Variants in TRHDE observed in about 807,000 individuals in gnomAD.
TRHDE encodes the protein thyrotropin-releasing hormone-degrading ectoenzyme.
A neutral mutation model predicts 125.7 loss-of-function variants in TRHDE; 72 were observed. The observed-to-expected ratio is 0.57, with a 90% confidence interval of 0.47 to 0.70. The LOEUF (loss-of-function observed/expected upper bound fraction) is 0.70. Among genes scored for constraint, TRHDE ranks in the 30% least tolerant of loss-of-function variants. The pLI is 0.00. For missense variants in TRHDE, 1,110 were observed against 1,327.1 expected, an observed-to-expected ratio of 0.84 and a Z score of 2.54; for synonymous variants, 509 against 509.1, an observed-to-expected ratio of 1.00 and a Z score of 0.00.
chr12:72,257,838 T>C (rs1396500332), intron 2 of TRHDE: 4 of 152,164 alleles, frequency 2.6e-5, no homozygotes, highest in Non-Finnish European at 1.5e-5. Context: ...AAGGGGAACG[T>C]TTACATCCTG....
At chr12:72,614,636 A>C (rs974262835) in intron 12 of TRHDE, among the ~76,000 whole-genome samples, 3 of 152,096 alleles carry the variant, frequency 2.0e-5, no homozygotes, top group Non-Finnish European at 4.4e-5. Flanking sequence ...CTTTAAATGA[A>C]TATTCAGTTA....
At chr12:72,172,472 C>T (rs940818112) in intron 2 of TRHDE, among the ~76,000 whole-genome samples, 1 of 152,142 alleles carries the variant, frequency 6.6e-6, no homozygotes, top group Non-Finnish European at 1.5e-5. Flanking sequence ...ACAAGCAGTG[C>T]CTATATAGTG....
rs988408813 is a variant in TRHDE at position 72,519,330 on chromosome 12, G to A, written c.1722+19695G>A. On this transcript the variant is annotated intron_variant, in intron 6 of 18. Coordinates refer to ENST00000261180, the MANE Select transcript of TRHDE (RefSeq NM_013381.3). The stretch of plus-strand genomic sequence containing the variant: ...TTCACATAGTCCCATATTTCTTGGC[G>A]GCTTTACTCATTTCTTTTTATTCTT... Among the ~76,000 whole-genome samples the A allele has an allele frequency of 5.9e-5, 9 of 152,066 alleles. No individual in the cohort carries two copies. The East Asian group carries it at 7.7e-4, about 13-fold the overall frequency.
At chr12:72,445,958 A>G (rs1875256496) in intron 3 of TRHDE, among the ~76,000 whole-genome samples, 1 of 151,752 alleles carries the variant, frequency 6.6e-6, no homozygotes, top group African/African-American at 2.4e-5. Flanking sequence ...TTAGAATATG[A>G]GCTCTCCATT....
chr12:72,492,635 CAAG>C (rs916537683), intron 5 of TRHDE, among the ~76,000 whole-genome samples: 1 of 151,658 alleles, frequency 6.6e-6, no homozygotes, highest in Non-Finnish European at 1.5e-5. Flanking sequence ...TAATGAAAAA[CAAG>C]AAGGAAAAAC....
intron 2 of TRHDE, among the ~76,000 whole-genome samples, chr12:72,168,690 C>T (rs1876807058): frequency 6.6e-6 from 1 of 152,186 alleles, no homozygotes; most frequent in African/African-American, 2.4e-5. Flanking sequence ...CATCTCTTCC[C>T]TCCAACTGGA....
At chr12:72,097,453 T>G (rs1301208795) in intron 1 of TRHDE, among the ~76,000 whole-genome samples, 1 of 148,522 alleles carries the variant, frequency 6.7e-6, no homozygotes. Context: ...TTTTTTTTTT[T>G]TTTTTTTTTT....
Position 72,668,731 on chromosome 12 carries a change from A to T in TRHDE, c.*5536A>T, listed in dbSNP as rs572085546. Reference sequence around the variant, plus strand: ...AACCCTGTGAAATGTCATTAGCTCTAATTCACCAAAGAGTAGATGGAGGCA... The same window carrying T: ...AACCCTGTGAAATGTCATTAGCTCTTATTCACCAAAGAGTAGATGGAGGCA... On this transcript the variant is annotated 3_prime_UTR_variant, in exon 19 of 19. Coordinates refer to ENST00000261180, the MANE Select transcript of TRHDE (RefSeq NM_013381.3). The T allele has an allele frequency of 6.6e-6, 1 of 151,940 alleles. No homozygotes were observed. The highest frequency in any genetic ancestry group is 1.9e-4 in the East Asian group (1 of 5,150). The allele number at this position is 151,940 out of a possible 1,614,324, so 9.4% of individuals were successfully genotyped here.
At chr12:72,403,255 T>C (rs774643044) in intron 3 of TRHDE, among the ~76,000 whole-genome samples, 4 of 152,202 alleles carry the variant, frequency 2.6e-5, no homozygotes, top group Non-Finnish European at 5.9e-5. Context: ...GGTCTCTTCC[T>C]TGAATAAATC....
Position 72,272,606 on chromosome 12 carries a change from G to A in TRHDE, c.-38G>A. 1.2e-6 allele frequency: 1 copy of A among 836,770 alleles called. No individual in the cohort carries two copies. The highest frequency in any genetic ancestry group is 2.8e-5 in the East Asian group (1 of 35,288). The allele number at this position is 836,770 out of a possible 1,614,324, so 51.8% of individuals were successfully genotyped here. On this transcript the variant is annotated 5_prime_UTR_variant, in exon 1 of 19. It adds an upstream start codon to the 5' untranslated region. Transcript: ENST00000261180. This position sits in a 1 kb window ranked among gnomAD's most constrained non-coding sequence, Gnocchi z 6.7. ...GGCCCGGGTGGCCCGCCCGCGGGGG[G>A]TGCCAGAGGGGGCGGGGGAGGAGGA... is the stretch of plus-strand genomic sequence containing the variant.
At chr12:72,093,134 A>G (rs752709487) in intron 1 of TRHDE, among the ~76,000 whole-genome samples, 4 of 152,220 alleles carry the variant, frequency 2.6e-5, no homozygotes, top group Non-Finnish European at 5.9e-5. Context: ...TTTTTCTTAC[A>G]GCACTTTGAT....
At chr12:72,621,260 AC>A in intron 14 of TRHDE, 55 bp downstream of exon 14, 1 of 1,110,084 alleles carries the variant, frequency 9.0e-7, no homozygotes, top group Non-Finnish European at 1.4e-6. Flanking sequence ...ATAATAATGT[AC>A]TACTAGTGCC....
intron 1 of TRHDE, among the ~76,000 whole-genome samples, chr12:72,279,808 T>C (rs1021685164): frequency 6.6e-6 from 1 of 152,142 alleles, no homozygotes; most frequent in Non-Finnish European, 1.5e-5. Context: ...TGGCCCCAGT[T>C]GTACAGGGAC....
At chr12:72,478,444 A>T (rs1876998153) in intron 5 of TRHDE, among the ~76,000 whole-genome samples, 1 of 152,188 alleles carries the variant, frequency 6.6e-6, no homozygotes, top group African/African-American at 2.4e-5. Context: ...TGAGAAAATC[A>T]TTGACTAACT....
chr12:72,500,764 G>A (rs772483345), intron 6 of TRHDE, among the ~76,000 whole-genome samples: 1 of 150,110 alleles, frequency 6.7e-6, no homozygotes, highest in African/African-American at 2.4e-5. Flanking sequence ...TAACTAGGAA[G>A]TTAGAAGTTA....
In TRHDE at chr12:72,613,427, TA is replaced by T. The variant is rs545097259; in HGVS notation, c.2322-5457del. On this transcript the variant is annotated intron_variant, in intron 12 of 18. Transcript: ENST00000261180. ...TTTAACCTTCAAAAAATGCTTAATTTAAAAAAATGGTTATGTTTAAGTTTTA... is the reference window on the plus strand; with the variant it reads ...TTTAACCTTCAAAAAATGCTTAATTTAAAAAATGGTTATGTTTAAGTTTTA... 7.9e-5 allele frequency among the ~76,000 whole-genome samples: 12 copies of T among 152,268 alleles called. No individual in the cohort carries two copies. The East Asian group carries it at 2.1e-3, about 27-fold the overall frequency.
At position 72,621,813 on chromosome 12, in the gene TRHDE, G is replaced by C; in HGVS notation, c.2675+62G>C. On this transcript the variant is annotated intron_variant, in intron 15 of 18. Coordinates refer to ENST00000261180, the MANE Select transcript of TRHDE (RefSeq NM_013381.3). ...TAATAGTGCTTTCAGAGTCTCAGTGGATGCATTTCATTTACCAACTGGAGA... is the reference window on the plus strand; with the variant it reads ...TAATAGTGCTTTCAGAGTCTCAGTGCATGCATTTCATTTACCAACTGGAGA... 4.1e-6 allele frequency: 5 copies of C among 1,226,930 alleles called. No homozygotes were observed. In the South Asian group the frequency reaches 5.5e-5, roughly 14 times the overall value. 76.0% of individuals were successfully genotyped at this position (1,226,930 alleles called of 1,614,324 possible).
rs12100009 is a variant in TRHDE, at chr12:72,388,434, G to A, written c.1315+10313G>A. On this transcript the variant is annotated intron_variant, in intron 3 of 18. Coordinates refer to ENST00000261180, the MANE Select transcript of TRHDE (RefSeq NM_013381.3). ...TGAAAACAAGTGTTTTTGCCTGTTG[G>A]TTCACTGCTCTATTCCCTCTACTGA... 6.0e-3 allele frequency among the ~76,000 whole-genome samples: 920 copies of A among 152,080 alleles called. 9 individuals are homozygous for A. The highest frequency in any genetic ancestry group is 0.02 in the African/African-American group (849 of 41,470).
intron 3 of TRHDE, among the ~76,000 whole-genome samples, chr12:72,388,864 G>T (rs1872530023): frequency 1.3e-5 from 2 of 150,758 alleles, no homozygotes; most frequent in African/African-American, 2.4e-5. Context: ...TTTTGCAATT[G>T]GAAAATGAAA....
Sources: allele counts gnomAD v4.1 joint callset (sites outside exome capture counted in the v4.1 genomes callset), GRCh38; gene constraint gnomAD v4.1.1; non-coding constraint Gnocchi (gnomAD v3.1); transcripts MANE v1.5; gene names NCBI Gene and HGNC (gene_info 2026-07-23, HGNC 2026-07-21).